ASTN2: variants seen among roughly 807,000 people sequenced by gnomAD.
The protein encoded by ASTN2 is astrotactin-2.
In ASTN2, 54 loss-of-function variants were observed where a neutral mutation model predicts 139.8. The ratio of observed to expected loss-of-function variants is 0.39; its 90% CI spans 0.31 to 0.48. ASTN2 has a LOEUF of 0.48. ASTN2 is among the 20% of genes least tolerant of loss of function. ASTN2 has a pLI of 0.95. For missense variants in ASTN2, 1,565 were observed against 1,725.1 expected (o/e 0.91, Z 1.64); for synonymous variants, 756 against 719.5 (o/e 1.05, Z -0.81).
intron 19 of ASTN2, among the ~76,000 whole-genome samples, chr9:116,544,906 C>T (rs779391733): frequency 6.6e-6 from 1 of 152,210 alleles, no homozygotes; most frequent in South Asian, 2.1e-4. Flanking sequence ...GCTGCAGAAA[C>T]ATTCTGCCTA....
intron 10 of ASTN2, among the ~76,000 whole-genome samples, chr9:116,924,737 G>C (rs1313560391): frequency 1.3e-5 from 2 of 152,132 alleles, no homozygotes; most frequent in Non-Finnish European, 2.9e-5. Context: ...GATGACCAGA[G>C]GTCACTTTTG....
rs138249264 is a variant in ASTN2 at position 117,408,385 on chromosome 9, C to G, written c.442+6112G>C. On this transcript the variant is annotated intron_variant, in intron 1 of 22. Coordinates refer to ENST00000313400, the MANE Select transcript of ASTN2 (RefSeq NM_001365068.1). ...AAAATAGAGGGGTTGAATTCAATGCCTTGTGAGTCTGTGATGCTGGGAGCC... is the reference window on the plus strand; with the variant it reads ...AAAATAGAGGGGTTGAATTCAATGCGTTGTGAGTCTGTGATGCTGGGAGCC... Among the ~76,000 whole-genome samples, 75 of 152,264 alleles carry G rather than the reference C, an allele frequency of 4.9e-4. 1 individual carries two copies. Among genetic ancestry groups the G allele is most frequent in the African/African-American group, 1.8e-3 (73 of 41,546 alleles).
intron 10 of ASTN2, among the ~76,000 whole-genome samples, chr9:116,902,677 C>T (rs1480078720): frequency 6.6e-6 from 1 of 151,970 alleles, no homozygotes; most frequent in Non-Finnish European, 1.5e-5. Flanking sequence ...CAGAAGATAT[C>T]CCTGTTGTTA....
chr9:117,344,383 T>C (rs1564156894), intron 1 of ASTN2, among the ~76,000 whole-genome samples: 1 of 152,042 alleles, frequency 6.6e-6, no homozygotes, highest in African/African-American at 2.4e-5. Context: ...CCATGATAAG[T>C]CCAGGTCCCC....
At chr9:116,964,256 T>TGC (rs1289773313) in intron 10 of ASTN2, among the ~76,000 whole-genome samples, 1,318 of 98,860 alleles carry the variant, frequency 0.013, 9 homozygotes, top group East Asian at 0.046. Flanking sequence ...TGTGTGTGTG[T>TGC]GCGCGCGCGC....
At chr9:116,624,282 G>A (rs987403083) in intron 17 of ASTN2, among the ~76,000 whole-genome samples, 9 of 152,260 alleles carry the variant, frequency 5.9e-5, no homozygotes, top group African/African-American at 2.2e-4. Context: ...AAATGAGGGG[G>A]TAGAAGATAT....
chr9:117,297,703 C>T (rs1323340161), intron 1 of ASTN2, among the ~76,000 whole-genome samples: 1 of 152,174 alleles, frequency 6.6e-6, no homozygotes, highest in African/African-American at 2.4e-5. Flanking sequence ...GGGGGATTAT[C>T]AAACCCTAAA....
chr9:116,981,805 A>G (rs568686767), intron 7 of ASTN2, among the ~76,000 whole-genome samples: 12 of 152,320 alleles, frequency 7.9e-5, no homozygotes, highest in African/African-American at 2.9e-4. Context: ...AAAAACATAC[A>G]TGTATATGTT....
chr9:117,227,354 T>C (rs1370713946), intron 2 of ASTN2, among the ~76,000 whole-genome samples: 3 of 152,230 alleles, frequency 2.0e-5, no homozygotes, highest in Non-Finnish European at 4.4e-5. Context: ...GGAGCTTCCA[T>C]AATGTAGGGC....
chr9:117,093,710 T>G (rs1828763354), intron 5 of ASTN2, among the ~76,000 whole-genome samples: 1 of 152,228 alleles, frequency 6.6e-6, no homozygotes, highest in Non-Finnish European at 1.5e-5. Flanking sequence ...TAAGTTCATT[T>G]GCCTAGAACA....
intron 19 of ASTN2, chr9:116,547,652 C>G (rs964650999): frequency 2.0e-5 from 3 of 152,180 alleles, no homozygotes; most frequent in Admixed American, 6.5e-5. Flanking sequence ...ATCAGTTATA[C>G]AGAAAGTTAA....
At chr9:117,214,102 A>G (rs1450226744) in intron 3 of ASTN2, among the ~76,000 whole-genome samples, 2 of 152,204 alleles carry the variant, frequency 1.3e-5, no homozygotes, top group African/African-American at 2.4e-5. Context: ...AGACACTGGA[A>G]AGATGTTGGA....
At chr9:116,905,147 C>T (rs1031965042) in intron 10 of ASTN2, among the ~76,000 whole-genome samples, 9 of 147,900 alleles carry the variant, frequency 6.1e-5, no homozygotes, top group Non-Finnish European at 7.5e-5. Context: ...TCTTGGGCTT[C>T]ACTTCTGGAG....
intron 19 of ASTN2, chr9:116,568,339 TA>T (rs1195735478): frequency 3.3e-5 from 5 of 152,202 alleles, no homozygotes; most frequent in Non-Finnish European, 5.9e-5. Context: ...GAGTTTTGGA[TA>T]TTTTTTTAAA....
intron 6 of ASTN2, among the ~76,000 whole-genome samples, chr9:117,014,232 C>T (rs763321416): frequency 1.8e-4 from 27 of 152,214 alleles, no homozygotes; most frequent in Middle Eastern, 3.4e-3. Context: ...TCACTTTTAC[C>T]CTTCTCCCAG....
At position 116,902,762 on chromosome 9, in the gene ASTN2, CA is replaced by C. The variant is rs1389407270; in HGVS notation, c.1890-39030del. Among the ~76,000 whole-genome samples the C allele has an allele frequency of 1.3e-5, 2 of 152,186 alleles. 1 individual carries two copies. Among genetic ancestry groups the C allele is most frequent in the East Asian group, 3.8e-4 (2 of 5,200 alleles). On this transcript the variant is annotated intron_variant, in intron 10 of 22. Coordinates refer to ENST00000313400, the MANE Select transcript of ASTN2 (RefSeq NM_001365068.1). ...CTGATTAATATAAGTCTATCCTCAA[CA>C]AAGCTGCCAGAGGATTCCTTTTGAA...
intron 7 of ASTN2, among the ~76,000 whole-genome samples, chr9:116,981,083 C>T (rs941233010): frequency 3.9e-5 from 6 of 152,140 alleles, no homozygotes; most frequent in Non-Finnish European, 8.8e-5. Flanking sequence ...TAAATAAATG[C>T]TAAATAGATG....
At chr9:116,544,349 C>T (rs1409151747) in intron 19 of ASTN2, among the ~76,000 whole-genome samples, 6 of 152,154 alleles carry the variant, frequency 3.9e-5, no homozygotes, top group South Asian at 2.1e-4. Context: ...AGTCCCCATC[C>T]TCCATTCCAC....
At position 117,152,466 on chromosome 9, in the gene ASTN2, G is replaced by C. The variant is rs1428561668; in HGVS notation, c.1016-10988C>G. On this transcript the variant is annotated intron_variant, in intron 3 of 22. Coordinates refer to ENST00000313400, the MANE Select transcript of ASTN2 (RefSeq NM_001365068.1). ...GGATCTTGCCATAATTTGGAATCTG[G>C]ATGTGGCTGCAACATTAATTCCAAA... Among the ~76,000 whole-genome samples, 4 of 152,230 alleles carry C rather than the reference G, an allele frequency of 2.6e-5. 1 individual carries two copies. The highest frequency in any genetic ancestry group is 7.2e-5 in the African/African-American group (3 of 41,542).
Sources: gnomAD v4.1 joint callset for allele counts (sites outside exome capture counted in the v4.1 genomes callset) on GRCh38, gnomAD v4.1.1 for gene constraint, MANE v1.5 for transcripts, NCBI Gene and HGNC (gene_info 2026-07-23, HGNC 2026-07-21) for gene names.